BRINP1: variants seen among roughly 807,000 people sequenced by gnomAD.
BRINP1 encodes BMP/retinoic acid inducible neural specific 1, also known as BMP/retinoic acid-inducible neural-specific protein 1.
A neutral mutation model predicts 72.9 loss-of-function variants in BRINP1; 17 were observed. That is an observed-to-expected ratio of 0.23 (90% CI 0.16 to 0.35). The LOEUF (loss-of-function observed/expected upper bound fraction) is 0.35, where lower values mean the gene tolerates loss of function less well. Among genes scored for constraint, BRINP1 ranks in the 10% least tolerant of loss-of-function variants. The pLI is 1.00. For synonymous variants in BRINP1, 418 were observed against 378.5 expected, an observed-to-expected ratio of 1.10 and a Z score of -1.21; for missense variants, 850 against 1,001.6, an observed-to-expected ratio of 0.85 and a Z score of 2.04.
intron 2 of BRINP1, among the ~76,000 whole-genome samples, chr9:119,296,715 T>C (rs1396002816): frequency 6.6e-6 from 1 of 152,136 alleles, no homozygotes; most frequent in Non-Finnish European, 1.5e-5. Flanking sequence ...ATTTGTAACA[T>C]GTATGGGCCT....
At chr9:119,187,303 A>T (rs890677801) in intron 7 of BRINP1, among the ~76,000 whole-genome samples, 5 of 152,148 alleles carry the variant, frequency 3.3e-5, no homozygotes, top group African/African-American at 1.2e-4. Context: ...AAAGGAATTC[A>T]ATTCAGCTAA....
At chr9:119,280,806 C>T (rs1830703295) in intron 2 of BRINP1, among the ~76,000 whole-genome samples, 1 of 152,094 alleles carries the variant, frequency 6.6e-6, no homozygotes, top group Non-Finnish European at 1.5e-5. Context: ...TACAAAGCAA[C>T]ATTAAATAAT....
intron 2 of BRINP1, among the ~76,000 whole-genome samples, chr9:119,274,964 T>C (rs766619463): frequency 2.0e-5 from 3 of 152,326 alleles, no homozygotes; most frequent in East Asian, 3.9e-4. Flanking sequence ...CATTATTTAA[T>C]GCTTATGATA....
intron 1 of BRINP1, among the ~76,000 whole-genome samples, chr9:119,345,301 G>A (rs1249685850): frequency 6.6e-6 from 1 of 152,072 alleles, no homozygotes; most frequent in Admixed American, 6.5e-5. Context: ...CTTGTGATAA[G>A]AAGGTCTTCA....
intron 2 of BRINP1, among the ~76,000 whole-genome samples, chr9:119,267,294 T>C (rs1261703006): frequency 6.6e-6 from 1 of 152,076 alleles, no homozygotes; most frequent in Non-Finnish European, 1.5e-5. Context: ...GAGCCACACA[T>C]TTGAAAAAGC....
intron 1 of BRINP1, among the ~76,000 whole-genome samples, chr9:119,318,168 A>C (rs1432177790): frequency 1.3e-5 from 2 of 152,186 alleles, no homozygotes; most frequent in Non-Finnish European, 2.9e-5. Context: ...GACTGTGGAC[A>C]GTCATGTCCC....
At chr9:119,267,956 A>G (rs1830564700) in intron 2 of BRINP1, among the ~76,000 whole-genome samples, 1 of 152,156 alleles carries the variant, frequency 6.6e-6, no homozygotes. Context: ...AAAGTGTTTC[A>G]GTTAGGTCAG....
intron 2 of BRINP1, among the ~76,000 whole-genome samples, chr9:119,306,917 T>A (rs183372363): frequency 1.1e-4 from 17 of 152,278 alleles, no homozygotes; most frequent in African/African-American, 4.1e-4. Context: ...GTGGTACCTA[T>A]ATTTAAGCCA....
chr9:119,200,685 A>G (rs1159988602), intron 7 of BRINP1, among the ~76,000 whole-genome samples: 1 of 151,692 alleles, frequency 6.6e-6, no homozygotes, highest in Non-Finnish European at 1.5e-5. Context: ...GGTAAACTGG[A>G]TGGTAAACTG....
intron 2 of BRINP1, among the ~76,000 whole-genome samples, chr9:119,263,156 A>T (rs1830513874): frequency 6.6e-6 from 1 of 152,148 alleles, no homozygotes; most frequent in African/African-American, 2.4e-5. Context: ...TGTTATTTTG[A>T]CGTGAGGTCA....
intron 1 of BRINP1, among the ~76,000 whole-genome samples, chr9:119,366,576 G>A (rs1217181952): frequency 6.7e-6 from 1 of 149,682 alleles, no homozygotes; most frequent in African/African-American, 2.5e-5. Flanking sequence ...CGGGAATAGT[G>A]ATTGAGGCAT....
At chr9:119,218,203 TA>T (rs535321698) in intron 5 of BRINP1, among the ~76,000 whole-genome samples, 4 of 99,892 alleles carry the variant, frequency 4.0e-5, no homozygotes, top group African/African-American at 1.6e-4. Context: ...ATCAAATAAA[TA>T]TTTTTTTTTT....
chr9:119,278,537 A>T (rs1830677835), intron 2 of BRINP1, among the ~76,000 whole-genome samples: 1 of 152,218 alleles, frequency 6.6e-6, no homozygotes, highest in African/African-American at 2.4e-5. Flanking sequence ...GAACTAAGGG[A>T]TGCCCTGTAA....
intron 7 of BRINP1, among the ~76,000 whole-genome samples, chr9:119,195,773 AAAG>A (rs1405047434): frequency 2.0e-5 from 3 of 152,190 alleles, no homozygotes; most frequent in South Asian, 4.1e-4. Context: ...AACTCAACTC[AAAG>A]AAGACTTACT....
chr9:119,325,884 A>G (rs1831234931), intron 1 of BRINP1, among the ~76,000 whole-genome samples: 2 of 152,040 alleles, frequency 1.3e-5, no homozygotes, highest in Non-Finnish European at 2.9e-5. Context: ...TCTCTCCCCA[A>G]TTGCACCAAC....
intron 1 of BRINP1, among the ~76,000 whole-genome samples, chr9:119,332,700 G>C (rs955800843): frequency 6.6e-6 from 1 of 152,164 alleles, no homozygotes; most frequent in Admixed American, 6.5e-5. Context: ...ACATGACTCA[G>C]CCAAGCCAAG....
At chr9:119,263,693 C>T (rs1400477972) in intron 2 of BRINP1, among the ~76,000 whole-genome samples, 5 of 136,194 alleles carry the variant, frequency 3.7e-5, no homozygotes, top group Non-Finnish European at 7.7e-5. Context: ...CTGCAAACTC[C>T]GCCTCCTGGG....
In BRINP1 at chr9:119,313,204, G is replaced by C. The variant is rs1459460859; in HGVS notation, c.152C>G (p.Ser51Cys). ...TTCCACAAAGGATAGGTAGCTCCTGGAGTGGTGGAAAGGCCCCCTGTCTGA... is the reference window on the plus strand; with the variant it reads ...TTCCACAAAGGATAGGTAGCTCCTGCAGTGGTGGAAAGGCCCCCTGTCTGA... ...LISDRGPFHH[S>C]RSYLSFVERH... The change falls in exon 2 of 8, where the codon TCC becomes TGC. Residue 51 changes from serine (S) to cysteine (C), a missense_variant. By Grantham distance (112) the Ser-to-Cys change is moderately radical. Coordinates refer to ENST00000265922, the MANE Select transcript of BRINP1 (RefSeq NM_014618.3). 1 of 1,614,110 alleles carries C rather than the reference G, an allele frequency of 6.2e-7. No individual in the cohort carries two copies. Among genetic ancestry groups the C allele is most frequent in the East Asian group, 2.2e-5 (1 of 44,862 alleles).
chr9:119,368,909 T>G lies in BRINP1; in HGVS notation c.-51+147A>C, dbSNP rs1454603625. 2.8e-6 allele frequency: 1 copy of G among 361,218 alleles called. No homozygotes were observed. Among genetic ancestry groups the G allele is most frequent in the Non-Finnish European group, 4.9e-6 (1 of 202,608 alleles). 22.4% of individuals were successfully genotyped at this position (361,218 alleles called of 1,614,324 possible). The stretch of plus-strand genomic sequence containing the variant: ...CCCCCTCCCTAGAACTGGAGAAGAC[T>G]TGGAGGCGGCGGGGCGGCCAGGTGA... On this transcript the variant is annotated intron_variant, in intron 1 of 7. Coordinates refer to ENST00000265922, the MANE Select transcript of BRINP1 (RefSeq NM_014618.3). This position sits in a 1 kb window ranked among gnomAD's most constrained non-coding sequence, Gnocchi z 4.7.
Sources: allele counts gnomAD v4.1 joint callset (sites outside exome capture counted in the v4.1 genomes callset), GRCh38; gene constraint gnomAD v4.1.1; non-coding constraint Gnocchi (gnomAD v3.1); transcripts MANE v1.5; gene names NCBI Gene and HGNC (gene_info 2026-07-23, HGNC 2026-07-21).